The following SH3BGRL variants were observed in gnomAD, a reference collection of about 807,000 sequenced individuals.
SH3BGRL encodes adapter SH3BGRL.
A neutral mutation model predicts 9.8 loss-of-function variants in SH3BGRL; 7 were observed. That is an observed-to-expected ratio of 0.72 (90% confidence interval 0.41 to 1.35). The LOEUF is 1.35. SH3BGRL is among the 40% of genes most tolerant of loss of function. The probability of loss-of-function intolerance (pLI) is 0.01; values close to 1 mark genes in which losing one functional copy is unlikely to be tolerated. For synonymous variants in SH3BGRL, 36 were observed against 29.1 expected, an observed-to-expected ratio of 1.24 and a Z score of -0.76; for missense variants, 73 against 84.4, an observed-to-expected ratio of 0.86 and a Z score of 0.53.
intron 3 of SH3BGRL, among the ~76,000 whole-genome samples, chrX:81,278,674 T>C (rs1365937851): frequency 1.8e-5 from 2 of 112,134 alleles, no homozygotes; most frequent in East Asian, 5.6e-4. Context: ...CATTGACCTA[T>C]GCACAGATAA....
intron 1 of SH3BGRL, among the ~76,000 whole-genome samples, chrX:81,206,434 C>T (rs2147663798): frequency 9.0e-6 from 1 of 111,577 alleles, no homozygotes; most frequent in African/African-American, 3.3e-5. Context: ...GAAGGAAATA[C>T]AGTATACAGG....
intron 1 of SH3BGRL, among the ~76,000 whole-genome samples, chrX:81,222,279 G>A (rs1340468745): frequency 1.9e-5 from 2 of 107,944 alleles, no homozygotes; most frequent in Admixed American, 9.8e-5. Context: ...CCATTAACTC[G>A]TCATTTAACA....
At chrX:81,249,935 T>G (rs919007620) in intron 1 of SH3BGRL, among the ~76,000 whole-genome samples, 3 of 110,920 alleles carry the variant, frequency 2.7e-5, no homozygotes, top group Non-Finnish European at 5.7e-5. Context: ...TTGTTAAAAT[T>G]CATAGAAATG....
chrX:81,235,875 C>A (rs1168555741), intron 1 of SH3BGRL, among the ~76,000 whole-genome samples: 2 of 111,327 alleles, frequency 1.8e-5, no homozygotes, highest in African/African-American at 6.5e-5. Context: ...CATTGGAGTG[C>A]TATCACTGGC....
At chrX:81,243,519 T>C (rs186089272) in intron 1 of SH3BGRL, among the ~76,000 whole-genome samples, 3 of 111,613 alleles carry the variant, frequency 2.7e-5, no homozygotes, top group Non-Finnish European at 5.7e-5. Context: ...AATTGTTAAA[T>C]TTTAAAATAA....
intron 1 of SH3BGRL, among the ~76,000 whole-genome samples, chrX:81,252,918 C>A (rs192000663): frequency 4.4e-5 from 5 of 112,488 alleles, no homozygotes; most frequent in Non-Finnish European, 9.4e-5. Flanking sequence ...GAGAAAAAAG[C>A]AGTTCTGCTT....
Position 81,297,545 on chromosome X carries a change from C to T in SH3BGRL, c.*318C>T, listed in dbSNP as rs763487525. The T allele has an allele frequency of 8.7e-5, 13 of 148,947 alleles. No individual in the cohort carries two copies. The South Asian group carries it at 3.7e-3, about 43-fold the overall frequency. 12.3% of individuals were successfully genotyped at this position (148,947 alleles called of 1,213,427 possible). The stretch of plus-strand genomic sequence containing the variant: ...ACACCCTTCCCTCCTTCTGCCATTA[C>T]TATGGCAACTTAAGTGTATCTGCAG... On this transcript the variant is annotated 3_prime_UTR_variant, in exon 4 of 4. Transcript: ENST00000373212.
intron 1 of SH3BGRL, among the ~76,000 whole-genome samples, chrX:81,263,702 C>T (rs1237166876): frequency 1.8e-5 from 2 of 111,303 alleles, no homozygotes; most frequent in East Asian, 5.6e-4. Flanking sequence ...AAAAGAAATA[C>T]ATTGTAATTA....
At chrX:81,273,584 TTAG>T (rs973013394) in intron 1 of SH3BGRL, among the ~76,000 whole-genome samples, 2 of 110,873 alleles carry the variant, frequency 1.8e-5, no homozygotes, top group Non-Finnish European at 3.8e-5. Context: ...TAATTAACTG[TTAG>T]TAGAGAAAGT....
At chrX:81,287,167 A>T (rs1335659403) in intron 3 of SH3BGRL, among the ~76,000 whole-genome samples, 2 of 111,875 alleles carry the variant, frequency 1.8e-5, no homozygotes, top group African/African-American at 6.5e-5. Flanking sequence ...GAAATGAAGA[A>T]AACAATACAA....
At chrX:81,226,584 ATTTAT>A (rs2075617987) in intron 1 of SH3BGRL, among the ~76,000 whole-genome samples, 1 of 103,674 alleles carries the variant, frequency 9.6e-6, no homozygotes, top group Non-Finnish European at 2.0e-5. Context: ...TATTTTATCT[ATTTAT>A]TTTATGTATT....
At chrX:81,295,546 T>A (rs1310477985) in intron 3 of SH3BGRL, among the ~76,000 whole-genome samples, 1 of 111,360 alleles carries the variant, frequency 9.0e-6, no homozygotes, top group Non-Finnish European at 1.9e-5. Context: ...GGTATGTCTT[T>A]ATGAGCAGCA....
At chrX:81,273,770 C>A in intron 1 of SH3BGRL, among the ~76,000 whole-genome samples, 1 of 110,021 alleles carries the variant, frequency 9.1e-6, no homozygotes, top group South Asian at 3.9e-4. Context: ...CACACTGGCA[C>A]CTTCTAAAGC....
chrX:81,239,095 A>G (rs2075659055), intron 1 of SH3BGRL, among the ~76,000 whole-genome samples: 1 of 112,081 alleles, frequency 8.9e-6, no homozygotes, highest in African/African-American at 3.2e-5. Flanking sequence ...TACAAGAAAT[A>G]CCTAACTCTT....
rs80117214 is a variant in SH3BGRL at position 81,298,307 on chromosome X, C to T, written c.*1080C>T. On this transcript the variant is annotated 3_prime_UTR_variant, in exon 4 of 4. Transcript: ENST00000373212. ...ACTTTTAAAATATTAAGCCTGAAGA[C>T]TTCTAAAAAGACAAGAAACATGGCC... 1 of 111,396 alleles carries T rather than the reference C, an allele frequency of 9.0e-6. No homozygotes were observed. The highest frequency in any genetic ancestry group is 2.8e-4 in the East Asian group (1 of 3,576). 9.2% of individuals were successfully genotyped at this position (111,396 alleles called of 1,213,427 possible). A position where few individuals can be genotyped will look rare whatever the true frequency, so the allele number is the denominator to read the frequency against.
intron 1 of SH3BGRL, among the ~76,000 whole-genome samples, chrX:81,269,602 G>C (rs1472902728): frequency 1.8e-5 from 2 of 111,736 alleles, no homozygotes; most frequent in Non-Finnish European, 3.8e-5. Flanking sequence ...AGTCTGATGG[G>C]CTTCCCTTTG....
chrX:81,226,490 TTATA>T (rs752937645), intron 1 of SH3BGRL, among the ~76,000 whole-genome samples: 1 of 101,379 alleles, frequency 9.9e-6, no homozygotes, highest in Non-Finnish European at 2.0e-5. Flanking sequence ...TTGGATATAT[TTATA>T]TATATATATA....
intron 1 of SH3BGRL, among the ~76,000 whole-genome samples, chrX:81,215,174 G>T (rs754066549): frequency 9.2e-6 from 1 of 109,136 alleles, no homozygotes; most frequent in Non-Finnish European, 1.9e-5. Context: ...ATGGAGCTCC[G>T]GTTCCATAAA....
intron 1 of SH3BGRL, among the ~76,000 whole-genome samples, chrX:81,247,927 A>G (rs1602609889): frequency 9.8e-6 from 1 of 102,481 alleles, no homozygotes; most frequent in Non-Finnish European, 2.0e-5. Context: ...CATCTGGTCC[A>G]GGGCTTTTTT....
Sources: gnomAD v4.1 joint callset for allele counts (sites outside exome capture counted in the v4.1 genomes callset) on GRCh38, gnomAD v4.1.1 for gene constraint, MANE v1.5 for transcripts, NCBI Gene and HGNC (gene_info 2026-07-23, HGNC 2026-07-21) for gene names.